RBFOX2: variants seen among roughly 807,000 people sequenced by gnomAD.
RBFOX2 encodes RNA binding fox-1 homolog 2, also known as RNA binding protein fox-1 homolog 2.
RBFOX2 carries 10 observed loss-of-function variants against 49.1 expected under a neutral mutation model. The ratio of observed to expected loss-of-function variants is 0.20; its 90% CI spans 0.13 to 0.35. The LOEUF (loss-of-function observed/expected upper bound fraction) is 0.35. RBFOX2 is among the 10% of genes least tolerant of loss of function. The probability of loss-of-function intolerance (pLI) is 1.00; values close to 1 mark genes in which losing one functional copy is unlikely to be tolerated. For synonymous variants in RBFOX2, 183 were observed against 187.4 expected, an observed-to-expected ratio of 0.98 and a Z score of 0.19; for missense variants, 323 against 486.9, an observed-to-expected ratio of 0.66 and a Z score of 3.17.
chr22:35,963,418 T>C (rs984011363), upstream of RBFOX2, among the ~76,000 whole-genome samples: 1 of 152,170 alleles, frequency 6.6e-6, no homozygotes, highest in African/African-American at 2.4e-5. Flanking sequence ...TGGCTAAGTA[T>C]TAAGTATGAT....
chr22:35,886,825 G>C (rs901140073), intron 1 of RBFOX2, among the ~76,000 whole-genome samples: 1 of 152,146 alleles, frequency 6.6e-6, no homozygotes, highest in African/African-American at 2.4e-5. Context: ...GTCTTTATGT[G>C]GTACACGACT....
intron 2 of RBFOX2, among the ~76,000 whole-genome samples, chr22:35,805,347 A>G (rs921748804): frequency 5.3e-5 from 8 of 151,938 alleles, no homozygotes; most frequent in Admixed American, 5.2e-4. Flanking sequence ...ACCTCACCAA[A>G]TAAGATATAA....
At chr22:35,750,310 T>C in intron 9 of RBFOX2, 2 of 629,972 alleles carry the variant, frequency 3.2e-6, no homozygotes, top group Non-Finnish European at 5.5e-6. Context: ...CATTTGGAGA[T>C]ATGAAGTCAT....
intron 8 of RBFOX2, 72 bp downstream of exon 9, chr22:35,761,130 A>G (rs556235432): frequency 7.3e-7 from 1 of 1,360,942 alleles, no homozygotes; most frequent in East Asian, 2.3e-5. Flanking sequence ...TGTACTAGGA[A>G]AAAAAAAAAC....
chr22:35,887,624 C>T (rs556658545), intron 1 of RBFOX2, among the ~76,000 whole-genome samples: 1 of 152,226 alleles, frequency 6.6e-6, no homozygotes, highest in South Asian at 2.1e-4. Context: ...CCCAATACTG[C>T]TTCCAAACCA....
At chr22:35,750,646 C>T (rs936124836) in intron 9 of RBFOX2, among the ~76,000 whole-genome samples, 1 of 152,226 alleles carries the variant, frequency 6.6e-6, no homozygotes, top group African/African-American at 2.4e-5. Flanking sequence ...GCAATTCATT[C>T]TGAATGATAC....
At chr22:35,930,389 G>A (rs958171995) in intron 1 of RBFOX2, among the ~76,000 whole-genome samples, 3 of 151,592 alleles carry the variant, frequency 2.0e-5, no homozygotes, top group African/African-American at 7.3e-5. Context: ...TAACTCCAAG[G>A]GAAACAAATA....
At position 36,028,472 on chromosome 22, in the gene RBFOX2, G is replaced by A. The variant is rs1399221815; in HGVS notation, c.-47C>T. 7.8e-6 allele frequency: 9 copies of A among 1,148,286 alleles called. No individual in the cohort carries two copies. In the East Asian group the frequency reaches 2.1e-4, roughly 27 times the overall value. The allele number at this position is 1,148,286 out of a possible 1,614,324, so 71.1% of individuals were successfully genotyped here. ...CCGGGAGCCGGGCGACCCGCGACAGGCCACCTCCCCCTGGGCCTCGGCCCC... is the reference window on the plus strand; with the variant it reads ...CCGGGAGCCGGGCGACCCGCGACAGACCACCTCCCCCTGGGCCTCGGCCCC... On this transcript the variant is annotated 5_prime_UTR_variant, in exon 1 of 14. Coordinates refer to the RBFOX2 transcript ENST00000438146.
chr22:35,978,617 T>C (rs1348941838), intron 1 of RBFOX2, among the ~76,000 whole-genome samples: 1 of 152,150 alleles, frequency 6.6e-6, no homozygotes, highest in Non-Finnish European at 1.5e-5. Context: ...CCATGAATGA[T>C]GGGGACAGGT....
chr22:35,794,102 C>T (rs1202963637), intron 2 of RBFOX2, among the ~76,000 whole-genome samples: 3 of 152,022 alleles, frequency 2.0e-5, no homozygotes, highest in Admixed American at 1.3e-4. Flanking sequence ...ATTATTTTAA[C>T]GTTCATTTAG....
intron 1 of RBFOX2, among the ~76,000 whole-genome samples, chr22:35,960,851 G>A (rs74973638): frequency 0.11 from 16,596 of 151,956 alleles, 1,160 homozygotes; most frequent in Middle Eastern, 0.26. Flanking sequence ...CTCTAAAGCC[G>A]ATTCCGAATG....
At chr22:36,007,449 C>T (rs1026865106) in intron 1 of RBFOX2, among the ~76,000 whole-genome samples, 17 of 152,094 alleles carry the variant, frequency 1.1e-4, no homozygotes, top group Non-Finnish European at 2.4e-4. Flanking sequence ...TGACTCATTT[C>T]TATGAAAATT....
rs141736406 is a variant in RBFOX2, at chr22:35,759,749, T to A, written c.887+139A>T. 7.0e-6 allele frequency: 8 copies of A among 1,147,924 alleles called. No individual in the cohort carries two copies. In the East Asian group the frequency reaches 1.9e-4, roughly 28 times the overall value. 71.1% of individuals were successfully genotyped at this position (1,147,924 alleles called of 1,614,324 possible). A position where few individuals can be genotyped will look rare whatever the true frequency, so the allele number is the denominator to read the frequency against. On this transcript the variant is annotated intron_variant, in intron 9 of 11. Coordinates refer to ENST00000405409, the Ensembl canonical transcript of RBFOX2. The surrounding 1 kb of genome is among the most constrained non-coding windows in gnomAD (Gnocchi z 4.6). ...GTATATTTTGTTTTTTGTCATCTAA[T>A]CTGTTAATTTGCAAATATTCACTGA...
chr22:35,840,577 T>A (rs1017022959), exon 1 of RBFOX2: 2 of 1,159,888 alleles, frequency 1.7e-6, no homozygotes, highest in Non-Finnish European at 2.1e-6. Flanking sequence ...GAAGCAGGCC[T>A]GCTGGAGAAT....
intron 1 of RBFOX2, among the ~76,000 whole-genome samples, chr22:35,908,197 A>G (rs2049342505): frequency 1.3e-5 from 2 of 152,214 alleles, no homozygotes; most frequent in South Asian, 4.1e-4. Flanking sequence ...GGATACACTC[A>G]GTTTCTTCAC....
chr22:35,937,008 C>A (rs1244486049), intron 1 of RBFOX2, among the ~76,000 whole-genome samples: 1 of 152,136 alleles, frequency 6.6e-6, no homozygotes, highest in South Asian at 2.1e-4. Context: ...TAACCACGAC[C>A]CCTTTATTAC....
intron 1 of RBFOX2, among the ~76,000 whole-genome samples, chr22:36,023,657 CT>C (rs1176474193): frequency 6.6e-6 from 1 of 152,204 alleles, no homozygotes; most frequent in Non-Finnish European, 1.5e-5. Context: ...TTCCCACAAA[CT>C]TTGAGTACAG....
At chr22:35,902,814 A>T (rs112059289) in intron 1 of RBFOX2, among the ~76,000 whole-genome samples, 58 of 92,694 alleles carry the variant, frequency 6.3e-4, no homozygotes, top group African/African-American at 1.5e-3. Flanking sequence ...CCAGCTAATT[A>T]AAAAAAAAAA....
upstream of RBFOX2, among the ~76,000 whole-genome samples, chr22:35,964,758 C>A (rs752929648): frequency 1.3e-5 from 2 of 152,174 alleles, no homozygotes; most frequent in African/African-American, 4.8e-5. Context: ...GCCAAGGTCA[C>A]GTGTCTGCTA....
Sources: allele counts gnomAD v4.1 joint callset (sites outside exome capture counted in the v4.1 genomes callset), GRCh38; gene constraint gnomAD v4.1.1; non-coding constraint Gnocchi (gnomAD v3.1); transcripts MANE v1.5; gene names NCBI Gene and HGNC (gene_info 2026-07-23, HGNC 2026-07-21).